Variants in VRK2 observed in about 807,000 individuals in gnomAD.
VRK2 encodes the protein serine/threonine-protein kinase VRK2.
VRK2 carries 60 observed loss-of-function variants against 57.6 expected under a neutral mutation model. That is an observed-to-expected ratio of 1.04 (90% CI 0.85 to 1.29). The LOEUF (loss-of-function observed/expected upper bound fraction) is 1.29. Among genes scored for constraint, VRK2 ranks in the 50% most tolerant of loss-of-function variants. VRK2 has a pLI of 0.00. For synonymous variants in VRK2, 231 were observed against 199.2 expected (o/e 1.16, Z -1.35); for missense variants, 705 against 588.1 (o/e 1.20, Z -2.06).
chr2:58,139,404 C>T (rs889645671), intron 10 of VRK2, among the ~76,000 whole-genome samples: 18 of 152,030 alleles, frequency 1.2e-4, no homozygotes, highest in African/African-American at 4.1e-4. Flanking sequence ...TACTTCCTCT[C>T]ATAAGATCAG....
chr2:57,974,490 T>C (rs1041392861), intron 1 of VRK2, among the ~76,000 whole-genome samples: 3 of 151,856 alleles, frequency 2.0e-5, no homozygotes, highest in Admixed American at 2.0e-4. Context: ...TATTCTCTTA[T>C]TACAGTGCAA....
intron 10 of VRK2, among the ~76,000 whole-genome samples, chr2:58,137,042 ATAAT>A (rs1482905411): frequency 4.6e-5 from 6 of 129,962 alleles, no homozygotes; most frequent in African/African-American, 1.5e-4. Context: ...TATATCATAT[ATAAT>A]ATATATGTGT....
chr2:58,098,623 TA>T (rs1289779942), intron 7 of VRK2, among the ~76,000 whole-genome samples: 1 of 152,096 alleles, frequency 6.6e-6, no homozygotes. Context: ...CTAGGAGCTA[TA>T]AGTTGTACCA....
chr2:58,148,570 G>A (rs916809726), intron 12 of VRK2, among the ~76,000 whole-genome samples: 4 of 151,580 alleles, frequency 2.6e-5, no homozygotes, highest in African/African-American at 9.7e-5. Context: ...TTGTTTTTCT[G>A]TAAAGATACC....
At chr2:57,910,803 G>T (rs181437862) in intron 1 of VRK2, among the ~76,000 whole-genome samples, 1 of 152,240 alleles carries the variant, frequency 6.6e-6, no homozygotes, top group East Asian at 1.9e-4. Context: ...ATAAAATACT[G>T]TGAATTAATC....
chr2:57,985,667 C>T (rs1672572399), intron 1 of VRK2, among the ~76,000 whole-genome samples: 1 of 151,992 alleles, frequency 6.6e-6, no homozygotes, highest in Non-Finnish European at 1.5e-5. Context: ...TCTGCTCTCA[C>T]CAATCCTGTT....
chr2:58,159,733 C>T lies in VRK2; in HGVS notation c.*40C>T, dbSNP rs907003604. 1.9e-6 allele frequency: 3 copies of T among 1,612,466 alleles called. No homozygotes were observed. In the Admixed American group the frequency reaches 5.0e-5, roughly 27 times the overall value. On this transcript the variant is annotated 3_prime_UTR_variant, in exon 13 of 13. Coordinates refer to ENST00000340157, the MANE Select transcript of VRK2 (RefSeq NM_006296.7). ...TTCCTTTTGATAATTTTTTAAGTTT[C>T]CAGCTCTTCACCGAAATGTTGTATT... is the stretch of plus-strand genomic sequence containing the variant.
At chr2:57,982,804 G>A (rs1246678623) in intron 1 of VRK2, among the ~76,000 whole-genome samples, 1 of 152,220 alleles carries the variant, frequency 6.6e-6, no homozygotes, top group African/African-American at 2.4e-5. Flanking sequence ...GCATTACAGT[G>A]AACATTGGGG....
At chr2:58,116,921 G>A (rs928993838) in intron 7 of VRK2, among the ~76,000 whole-genome samples, 3 of 152,170 alleles carry the variant, frequency 2.0e-5, no homozygotes, top group Admixed American at 6.5e-5. Context: ...TGGCTGCTGC[G>A]GTTCAGGCGT....
At chr2:58,097,004 T>C (rs887251462) in intron 7 of VRK2, among the ~76,000 whole-genome samples, 4 of 152,186 alleles carry the variant, frequency 2.6e-5, no homozygotes, top group South Asian at 2.1e-4. Context: ...CCTAGACTTA[T>C]CACAATATTA....
At chr2:57,990,340 A>G (rs977900472) in intron 1 of VRK2, among the ~76,000 whole-genome samples, 1 of 152,178 alleles carries the variant, frequency 6.6e-6, no homozygotes, top group Admixed American at 6.5e-5. Context: ...TTCCCCTTAG[A>G]CTACAAAAGA....
chr2:58,005,573 A>C (rs1359738885), intron 1 of VRK2, among the ~76,000 whole-genome samples: 2 of 152,176 alleles, frequency 1.3e-5, no homozygotes, highest in Non-Finnish European at 2.9e-5. Context: ...TTGATGCAAA[A>C]CAAATCTGTT....
At chr2:57,960,717 A>G (rs1370608597) in intron 1 of VRK2, among the ~76,000 whole-genome samples, 1 of 152,328 alleles carries the variant, frequency 6.6e-6, no homozygotes, top group South Asian at 2.1e-4. Context: ...TCAGAAGCAA[A>G]GTAGATTAAA....
intron 7 of VRK2, among the ~76,000 whole-genome samples, chr2:58,092,645 T>A (rs1487623030): frequency 6.6e-6 from 1 of 152,158 alleles, no homozygotes; most frequent in Non-Finnish European, 1.5e-5. Flanking sequence ...ATGTGTGATA[T>A]TTCATTTGCT....
chr2:57,999,234 T>A (rs544132527), intron 1 of VRK2, among the ~76,000 whole-genome samples: 6 of 152,328 alleles, frequency 3.9e-5, no homozygotes, highest in Non-Finnish European at 8.8e-5. Context: ...TCAAATAGTA[T>A]TTCAGGCCAT....
At chr2:58,038,575 C>G (rs758676895) in intron 3 of VRK2, among the ~76,000 whole-genome samples, 1 of 152,100 alleles carries the variant, frequency 6.6e-6, no homozygotes, top group Non-Finnish European at 1.5e-5. Flanking sequence ...CCTAACAAAA[C>G]TTACTAAACA....
At chr2:57,992,993 G>T (rs545347101) in intron 1 of VRK2, among the ~76,000 whole-genome samples, 53 of 152,186 alleles carry the variant, frequency 3.5e-4, no homozygotes, top group African/African-American at 1.3e-3. Flanking sequence ...TAGTACCTCG[G>T]TTTCCATGCC....
chr2:58,097,827 CTA>C (rs150821646), intron 7 of VRK2, among the ~76,000 whole-genome samples: 3,132 of 152,040 alleles, frequency 0.021, 122 homozygotes, highest in African/African-American at 0.072. Flanking sequence ...TAATAAACAA[CTA>C]TGTTACTAGT....
At chr2:58,115,165 C>T (rs1400082644) in intron 7 of VRK2, among the ~76,000 whole-genome samples, 1 of 152,048 alleles carries the variant, frequency 6.6e-6, no homozygotes, top group Non-Finnish European at 1.5e-5. Context: ...CCTGGTGGAA[C>T]TGCCATCAAT....
Sources: gnomAD v4.1 joint callset for allele counts (sites outside exome capture counted in the v4.1 genomes callset) on GRCh38, gnomAD v4.1.1 for gene constraint, MANE v1.5 for transcripts, NCBI Gene and HGNC (gene_info 2026-07-23, HGNC 2026-07-21) for gene names.